OR56A3: variants seen among roughly 807,000 people sequenced by gnomAD.
OR56A3 encodes olfactory receptor family 56 subfamily A member 3, also known as olfactory receptor 56A3.
A neutral mutation model predicts 17.5 loss-of-function variants in OR56A3; 23 were observed. That is an observed-to-expected ratio of 1.32 (90% confidence interval 0.95 to 1.87). OR56A3 has a LOEUF of 1.87. Ranked by LOEUF, OR56A3 falls within the 40% of genes most tolerant of loss-of-function variation. The pLI, the probability that OR56A3 is intolerant of heterozygous loss-of-function variation, is 0.00. For missense variants in OR56A3, 366 were observed against 380.1 expected, an observed-to-expected ratio of 0.96 and a Z score of 0.31; for synonymous variants, 175 against 150.6, an observed-to-expected ratio of 1.16 and a Z score of -1.19.
the OR56A3 span, among the ~76,000 whole-genome samples, chr11:6,012,313 G>A: frequency 6.6e-6 from 1 of 152,216 alleles, no homozygotes; most frequent in African/African-American, 2.4e-5. Context: ...TTAGCTTCTA[G>A]CAGACAGGGT....
chr11:5,985,264 C>T, the OR56A3 span, among the ~76,000 whole-genome samples: 2 of 151,928 alleles, frequency 1.3e-5, no homozygotes, highest in African/African-American at 4.8e-5. Context: ...CTTCTTTATC[C>T]AAAGCATGAA....
At chr11:5,993,964 G>A in the OR56A3 span, 102,432 of 440,328 alleles carry the variant, frequency 0.23, 13,948 homozygotes, top group Admixed American at 0.37. Context: ...TGGTTCGCAT[G>A]GAGTTGGGGG....
the OR56A3 span, among the ~76,000 whole-genome samples, chr11:5,979,963 A>T: frequency 3.9e-5 from 6 of 152,146 alleles, no homozygotes; most frequent in African/African-American, 1.4e-4. Context: ...ATTCAGGAAC[A>T]GATTGTTTAA....
At chr11:5,996,358 A>G in the OR56A3 span, among the ~76,000 whole-genome samples, 375 of 152,338 alleles carry the variant, frequency 2.5e-3, 2 homozygotes, top group Non-Finnish European at 4.3e-3. Context: ...CTCATTAAGA[A>G]CAGAGATAAT....
At chr11:6,006,264 T>C in the OR56A3 span, 2 of 152,246 alleles carry the variant, frequency 1.3e-5, no homozygotes, top group African/African-American at 2.4e-5. Context: ...AATTCCTTAA[T>C]AGCTGGAATG....
At chr11:5,988,407 G>A in the OR56A3 span, among the ~76,000 whole-genome samples, 3 of 152,054 alleles carry the variant, frequency 2.0e-5, no homozygotes, top group Non-Finnish European at 4.4e-5. Flanking sequence ...AAGCAATGGA[G>A]GAAGACAGAC....
At chr11:6,016,738 A>G in the OR56A3 span, among the ~76,000 whole-genome samples, 1 of 151,934 alleles carries the variant, frequency 6.6e-6, no homozygotes. Flanking sequence ...GAGATACAAG[A>G]GAACACAGAT....
chr11:6,015,350 T>G, the OR56A3 span, among the ~76,000 whole-genome samples: 2,181 of 148,028 alleles, frequency 0.015, 23 homozygotes, highest in Non-Finnish European at 0.024. Context: ...CTGCTCTAGC[T>G]CCATCCCTGG....
chr11:5,948,095 T>A lies in OR56A3; in HGVS notation c.749T>A (p.Met250Lys). ...KALSTCGSHF[M>K]LILFFSTILL... ...CTAAGCACATGTGGCTCCCACTTCA[T>A]GCTCATCCTCTTCTTCAGCACCATC... The change falls in exon 3 of 3, where the codon ATG (methionine) becomes AAG (lysine). Residue 250 changes from methionine (M) to lysine (K), a missense_variant. Met to Lys is a moderately conservative substitution (Grantham distance 95). Transcript: ENST00000641160. 1 of 1,614,254 alleles carries A rather than the reference T, an allele frequency of 6.2e-7. No homozygotes were observed. Among genetic ancestry groups the A allele is most frequent in the Non-Finnish European group, 8.5e-7 (1 of 1,180,046 alleles).
chr11:6,012,148 G>T, the OR56A3 span, among the ~76,000 whole-genome samples: 1 of 152,200 alleles, frequency 6.6e-6, no homozygotes, highest in Non-Finnish European at 1.5e-5. Flanking sequence ...CATTCAGCAG[G>T]TCCCGAGATT....
the OR56A3 span, chr11:5,968,317 G>A: frequency 7.4e-6 from 12 of 1,612,818 alleles, no homozygotes; most frequent in Non-Finnish European, 1.0e-5. Flanking sequence ...TACAGGGGCT[G>A]GTGCAGAGAG....
chr11:5,976,359 G>A, the OR56A3 span, among the ~76,000 whole-genome samples: 1 of 152,000 alleles, frequency 6.6e-6, no homozygotes, highest in Admixed American at 6.6e-5. Flanking sequence ...GAAGAGAAAG[G>A]GAAAATGAAA....
chr11:5,947,662 T>TACATCATGAATTGTTTC lies in OR56A3; in HGVS notation c.317_333dup (p.Leu112ThrfsTer3), dbSNP rs762189899. On this transcript the variant is annotated frameshift_variant, in exon 3 of 3. Coordinates refer to ENST00000641160, the MANE Select transcript of OR56A3 (RefSeq NM_001003443.3). LOFTEE classifies it high-confidence loss of function. ...CTTCCCTGCCTGCTTCCTCCAGATGTACATCATGAATTGTTTCCTAGCCAT... is the reference window on the plus strand; with the variant it reads ...CTTCCCTGCCTGCTTCCTCCAGATGTACATCATGAATTGTTTCACATCATGAATTGTTTCCTAGCCAT... The TACATCATGAATTGTTTC allele has an allele frequency of 2.0e-5, 32 of 1,614,240 alleles. No individual in the cohort carries two copies. In the East Asian group the frequency reaches 6.7e-4, roughly 34 times the overall value.
At chr11:5,982,140 G>T in the OR56A3 span, among the ~76,000 whole-genome samples, 26 of 152,304 alleles carry the variant, frequency 1.7e-4, no homozygotes, top group African/African-American at 6.3e-4. Context: ...TTACACGTGT[G>T]TTCAGGCAGT....
the OR56A3 span, among the ~76,000 whole-genome samples, chr11:5,971,906 C>T: frequency 0.022 from 3,322 of 152,148 alleles, 50 homozygotes; most frequent in South Asian, 0.04. Context: ...ATATTTTAAC[C>T]AAGTGAAGCC....
chr11:5,993,615 A>G, the OR56A3 span, among the ~76,000 whole-genome samples: 1 of 152,220 alleles, frequency 6.6e-6, no homozygotes, highest in African/African-American at 2.4e-5. Flanking sequence ...ATTTTGCCTA[A>G]TATAACTTTC....
the OR56A3 span, among the ~76,000 whole-genome samples, chr11:6,011,633 A>G: frequency 1.3e-4 from 20 of 152,262 alleles, no homozygotes; most frequent in African/African-American, 4.8e-4. Flanking sequence ...TTATGGCTAG[A>G]AACTTCTGGC....
the OR56A3 span, among the ~76,000 whole-genome samples, chr11:5,993,435 C>G: frequency 6.6e-6 from 1 of 152,108 alleles, no homozygotes; most frequent in Non-Finnish European, 1.5e-5. Context: ...GGAAGTCCAC[C>G]CTCACCCATT....
downstream of OR56A3, among the ~76,000 whole-genome samples, chr11:5,954,235 C>T (rs1847922134): frequency 6.6e-6 from 1 of 152,168 alleles, no homozygotes; most frequent in South Asian, 2.1e-4. Flanking sequence ...CTTCAAGTCA[C>T]CCTATTTAAT....
Sources: gnomAD v4.1 joint callset for allele counts (sites outside exome capture counted in the v4.1 genomes callset) on GRCh38, gnomAD v4.1.1 for gene constraint, MANE v1.5 for transcripts, NCBI Gene and HGNC (gene_info 2026-07-23, HGNC 2026-07-21) for gene names.